The following PDE4D variants were observed in gnomAD, a reference collection of about 807,000 sequenced individuals.
PDE4D encodes 3',5'-cyclic-AMP phosphodiesterase 4D.
PDE4D carries 24 observed loss-of-function variants against 87.4 expected under a neutral mutation model. The observed-to-expected ratio is 0.27, with a 90% CI of 0.20 to 0.39. The LOEUF is 0.39. Ranked by LOEUF, PDE4D falls within the 10% of genes least tolerant of loss-of-function variation. PDE4D has a pLI of 1.00. For missense variants in PDE4D, 714 were observed against 1,041.0 expected (o/e 0.69, Z 4.32); for synonymous variants, 384 against 383.2 (o/e 1.00, Z -0.02).
chr5:59,603,082 T>C (rs757175006), intron 1 of PDE4D, among the ~76,000 whole-genome samples: 1 of 151,724 alleles, frequency 6.6e-6, no homozygotes, highest in Non-Finnish European at 1.5e-5. Context: ...AAAAGCTATA[T>C]GACACTGATT....
At chr5:60,257,427 T>G (rs1404158051) in intron 1 of PDE4D, among the ~76,000 whole-genome samples, 1 of 151,982 alleles carries the variant, frequency 6.6e-6, no homozygotes, top group Non-Finnish European at 1.5e-5. Flanking sequence ...TGAACTATTT[T>G]CAAGTATTTC....
intron 3 of PDE4D, among the ~76,000 whole-genome samples, chr5:59,942,114 C>T (rs1757251363): frequency 6.6e-6 from 1 of 152,266 alleles, no homozygotes; most frequent in Non-Finnish European, 1.5e-5. Flanking sequence ...TTAAATACCA[C>T]AGGCTTGCCT....
At chr5:59,427,128 C>A (rs1330273613) in intron 1 of PDE4D, among the ~76,000 whole-genome samples, 2 of 151,112 alleles carry the variant, frequency 1.3e-5, no homozygotes, top group Non-Finnish European at 2.9e-5. Context: ...CTGGTAATGA[C>A]AAAATGCATG....
chr5:59,130,058 C>T (rs1432257475), intron 5 of PDE4D, among the ~76,000 whole-genome samples: 2 of 151,972 alleles, frequency 1.3e-5, no homozygotes, highest in African/African-American at 2.4e-5. Flanking sequence ...TAGTATTTCC[C>T]CCCTTATAAC....
At chr5:60,241,274 T>TC (rs1747084760) in intron 1 of PDE4D, among the ~76,000 whole-genome samples, 1 of 134,720 alleles carries the variant, frequency 7.4e-6, no homozygotes, top group South Asian at 2.3e-4. Flanking sequence ...TCTCTCTCTT[T>TC]TTTTTTTTTT....
Position 59,368,049 on chromosome 5 carries a change from A to G in PDE4D, c.456-152081T>C, listed in dbSNP as rs1783361767. Among the ~76,000 whole-genome samples, 3 of 152,332 alleles carry G rather than the reference A, an allele frequency of 2.0e-5. No homozygotes were observed. In the South Asian group the frequency reaches 6.2e-4, roughly 32 times the overall value. ...CCAAAAACTTCAAGTATCCTTCCAG[A>G]GCAATTGCTTAGCTTTCATCAGCTG... On this transcript the variant is annotated intron_variant, in intron 1 of 14. Coordinates refer to ENST00000340635, the MANE Select transcript of PDE4D (RefSeq NM_001104631.2).
chr5:59,833,970 A>T lies in PDE4D; in HGVS notation c.455+59198T>A, dbSNP rs535435754. Among the ~76,000 whole-genome samples the T allele has an allele frequency of 2.0e-3, 302 of 152,192 alleles. 1 individual carries two copies. Among genetic ancestry groups the T allele is most frequent in the African/African-American group, 7.0e-3 (291 of 41,548 alleles). ...TATGTCAGTTATTAACTGACAAGAAACCAGCAAATGTTTATAATTGGAAGA... is the reference window on the plus strand; with the variant it reads ...TATGTCAGTTATTAACTGACAAGAATCCAGCAAATGTTTATAATTGGAAGA... On this transcript the variant is annotated intron_variant, in intron 1 of 14. Transcript: ENST00000340635.
intron 2 of PDE4D, among the ~76,000 whole-genome samples, chr5:60,078,639 T>C (rs954430311): frequency 2.0e-5 from 3 of 152,180 alleles, no homozygotes; most frequent in Admixed American, 6.5e-5. Context: ...TAAGTGGTGT[T>C]CAGTTTTCTG....
Position 58,970,548 on chromosome 5 carries a change from A to T in PDE4D, c.*4116T>A, listed in dbSNP as rs979790412. ...GTACAAGGTGAAATTTTAAAATTCT[A>T]AAGCAATGAAAGTTTTGCAGAAACA... On this transcript the variant is annotated 3_prime_UTR_variant, in exon 15 of 15. Transcript: ENST00000340635. 1 of 152,150 alleles carries T rather than the reference A, an allele frequency of 6.6e-6. No individual in the cohort carries two copies. Among genetic ancestry groups the T allele is most frequent in the Admixed American group, 6.5e-5 (1 of 15,270 alleles). 9.4% of individuals were successfully genotyped at this position (152,150 alleles called of 1,614,324 possible).
intron 1 of PDE4D, among the ~76,000 whole-genome samples, chr5:59,781,102 GT>G (rs1554083068): frequency 7.1e-6 from 1 of 141,268 alleles, no homozygotes; most frequent in Non-Finnish European, 1.5e-5. Flanking sequence ...GGAGGCAGAG[GT>G]TATGGTGAGC....
intron 1 of PDE4D, among the ~76,000 whole-genome samples, chr5:60,278,104 C>T (rs1447519763): frequency 3.9e-5 from 6 of 152,152 alleles, no homozygotes; most frequent in Admixed American, 6.5e-5. Context: ...CATTCTTTTA[C>T]AGCAGATCTC....
intron 1 of PDE4D, chr5:60,520,945 ACTCAT>A (rs1223825284): frequency 6.6e-6 from 1 of 152,570 alleles, no homozygotes; most frequent in Non-Finnish European, 1.5e-5. Context: ...CCTAATCTGC[ACTCAT>A]TCCTAAGCAG....
intron 1 of PDE4D, among the ~76,000 whole-genome samples, chr5:59,673,138 TC>T (rs1201216766): frequency 2.6e-5 from 4 of 152,192 alleles, no homozygotes; most frequent in African/African-American, 9.7e-5. Context: ...TCTATATGCA[TC>T]CTTGTGCTTT....
chr5:59,588,960 T>C (rs1403754619), intron 1 of PDE4D, among the ~76,000 whole-genome samples: 2 of 152,218 alleles, frequency 1.3e-5, no homozygotes, highest in East Asian at 1.9e-4. Flanking sequence ...TTTGATATTA[T>C]ATTAGACATT....
In PDE4D at chr5:59,722,582, G is replaced by T. The variant is rs546033355; in HGVS notation, c.455+170586C>A. ...TGGATTTCCTATGTCTTTAAAAATTGTTTTAGGTGCTGGTTATTATCTATA... is the reference window on the plus strand; with the variant it reads ...TGGATTTCCTATGTCTTTAAAAATTTTTTTAGGTGCTGGTTATTATCTATA... On this transcript the variant is annotated intron_variant, in intron 1 of 14. Transcript: ENST00000340635. Among the ~76,000 whole-genome samples, 3 of 152,054 alleles carry T rather than the reference G, an allele frequency of 2.0e-5. No homozygotes were observed. The South Asian group carries it at 6.2e-4, about 32-fold the overall frequency.
chr5:58,970,908 TAAAAAA>T lies in PDE4D; in HGVS notation c.*3750_*3755del, dbSNP rs34128632. ...TATTTCCCCAGTTGTGTTTCCGAGT[TAAAAAA>T]AAAAAAAAAGGAAATAATCAAATGC... is the stretch of plus-strand genomic sequence containing the variant. On this transcript the variant is annotated 3_prime_UTR_variant, in exon 15 of 15. Transcript: ENST00000340635. 1 of 137,270 alleles carries T rather than the reference TAAAAAA, an allele frequency of 7.3e-6. No homozygotes were observed. Among genetic ancestry groups the T allele is most frequent in the East Asian group, 2.1e-4 (1 of 4,774 alleles). The allele number at this position is 137,270 out of a possible 1,614,324, so 8.5% of individuals were successfully genotyped here.
chr5:60,340,727 G>T (rs1215410925), intron 1 of PDE4D, among the ~76,000 whole-genome samples: 1 of 151,660 alleles, frequency 6.6e-6, no homozygotes, highest in Non-Finnish European at 1.5e-5. Flanking sequence ...CAGCAAAAGA[G>T]ATATAATGAA....
At chr5:59,267,899 C>A (rs1763109881) in intron 1 of PDE4D, among the ~76,000 whole-genome samples, 1 of 151,992 alleles carries the variant, frequency 6.6e-6, no homozygotes, top group Non-Finnish European at 1.5e-5. Flanking sequence ...ACCCCCTTTA[C>A]CCTATGGCAG....
Position 58,970,221 on chromosome 5 carries a change from C to G in PDE4D, c.*4443G>C, listed in dbSNP as rs1202018302. On this transcript the variant is annotated 3_prime_UTR_variant, in exon 15 of 15. Coordinates refer to ENST00000340635, the MANE Select transcript of PDE4D (RefSeq NM_001104631.2). ...TGTAATTCTCACACACAATTTACCA[C>G]TCTGAAAATATATCCAAAGAAATAA... is the stretch of plus-strand genomic sequence containing the variant. 1 of 152,134 alleles carries G rather than the reference C, an allele frequency of 6.6e-6. No individual in the cohort carries two copies. The highest frequency in any genetic ancestry group is 2.4e-5 in the African/African-American group (1 of 41,424). 9.4% of individuals were successfully genotyped at this position (152,134 alleles called of 1,614,324 possible). A position where few individuals can be genotyped will look rare whatever the true frequency, so the allele number is the denominator to read the frequency against.
Sources: allele counts gnomAD v4.1 joint callset (sites outside exome capture counted in the v4.1 genomes callset), GRCh38; gene constraint gnomAD v4.1.1; transcripts MANE v1.5; gene names NCBI Gene and HGNC (gene_info 2026-07-23, HGNC 2026-07-21).